Variants in ZNF251 observed in about 807,000 individuals in gnomAD.
ZNF251 encodes the protein zinc finger protein 251.
In ZNF251, 14 loss-of-function variants were observed where a neutral mutation model predicts 13.5. The ratio of observed to expected loss-of-function variants is 1.04; its 90% CI spans 0.69 to 1.63. The LOEUF (loss-of-function observed/expected upper bound fraction) is 1.63, where lower values mean the gene tolerates loss of function less well. ZNF251 is among the 40% of genes most tolerant of loss of function. The pLI, the probability that ZNF251 is intolerant of heterozygous loss-of-function variation, is 0.00. For synonymous variants in ZNF251, 287 were observed against 295.2 expected, an observed-to-expected ratio of 0.97 and a Z score of 0.28; for missense variants, 764 against 834.9, an observed-to-expected ratio of 0.92 and a Z score of 1.05.
chr8:144,739,261 A>C (rs1339997601), intron 4 of ZNF251, among the ~76,000 whole-genome samples: 1 of 139,700 alleles, frequency 7.2e-6, no homozygotes, highest in Non-Finnish European at 1.5e-5. Context: ...ATCACAAATC[A>C]TGACTCCACC....
rs552910244 is a variant in ZNF251, at chr8:144,754,183, G to C, written c.163+9C>G. 1.2e-6 allele frequency: 2 copies of C among 1,610,218 alleles called. No homozygotes were observed. The highest frequency in any genetic ancestry group is 1.3e-5 in the African/African-American group (1 of 74,962). The stretch of plus-strand genomic sequence containing the variant: ...CACTGCGAACCAGGCCAAGTGCAGA[G>C]AGCCTCACCCAGAGAGGCCACGTTC... On this transcript the variant is annotated intron_variant, in intron 3 of 4. Transcript: ENST00000292562.
At chr8:144,725,009 CTTTCT>C (rs576431216) in intron 4 of ZNF251, among the ~76,000 whole-genome samples, 8 of 136,130 alleles carry the variant, frequency 5.9e-5, no homozygotes, top group Non-Finnish European at 3.4e-5. Context: ...TTTTTTCTTT[CTTTCT>C]TGTTTTTTTT....
At position 144,734,362 on chromosome 8, in the gene ZNF251, G is replaced by A. The variant is rs946527636; in HGVS notation, c.278-10980C>T. The stretch of plus-strand genomic sequence containing the variant: ...GTCCCCCAACTCCAGCGGGTGTCAC[G>A]GGTCTAATCCCTGGCACAAACCGGC... On this transcript the variant is annotated intron_variant, in intron 4 of 4. Coordinates refer to ENST00000292562, the MANE Select transcript of ZNF251 (RefSeq NM_138367.2). The surrounding 1 kb of genome is among the most constrained non-coding windows in gnomAD (Gnocchi z 4.4). Among the ~76,000 whole-genome samples the A allele has an allele frequency of 2.0e-5, 3 of 152,200 alleles. No homozygotes were observed. Among genetic ancestry groups the A allele is most frequent in the Non-Finnish European group, 4.4e-5 (3 of 68,036 alleles).
intron 4 of ZNF251, among the ~76,000 whole-genome samples, chr8:144,748,154 A>G (rs1264899919): frequency 6.6e-6 from 1 of 151,828 alleles, no homozygotes; most frequent in Non-Finnish European, 1.5e-5. Context: ...GCTCACTGCA[A>G]CCTCCATCTC....
intron 4 of ZNF251, chr8:144,738,552 T>C: frequency 3.0e-6 from 3 of 985,352 alleles, no homozygotes; most frequent in Non-Finnish European, 3.6e-6. Context: ...CCCCGGCCCC[T>C]TCCTCATGGT....
At chr8:144,735,381 C>CAAAAA (rs145271344) in intron 4 of ZNF251, among the ~76,000 whole-genome samples, 3 of 94,602 alleles carry the variant, frequency 3.2e-5, no homozygotes, top group African/African-American at 1.2e-4. Context: ...GACTCCGTCT[C>CAAAAA]AAAAAAAAAA....
Position 144,753,766 on chromosome 8 carries a change from G to A in ZNF251, c.194C>T (p.Ser65Phe). ...GFPVPKPELI[S>F]QLEQGKELWV... ...AAGTTCCTTCCCCTGCTCCAGCTGGGAGATCAACTCCGGCTTAGGGACAGG... is the reference window on the plus strand; with the variant it reads ...AAGTTCCTTCCCCTGCTCCAGCTGGAAGATCAACTCCGGCTTAGGGACAGG... Residue 65 changes from serine (S) to phenylalanine (F), a missense_variant, in exon 4 of 5, where the codon TCC becomes TTC. Physicochemically the swap from Ser to Phe is radical, Grantham distance 155 (BLOSUM62 -2). Coordinates refer to ENST00000292562, the MANE Select transcript of ZNF251 (RefSeq NM_138367.2). 1 of 1,593,232 alleles carries A rather than the reference G, an allele frequency of 6.3e-7. No homozygotes were observed. Among genetic ancestry groups the A allele is most frequent in the Non-Finnish European group, 8.6e-7 (1 of 1,169,250 alleles).
chr8:144,724,732 C>T (rs1168913786), intron 4 of ZNF251, among the ~76,000 whole-genome samples: 1 of 152,118 alleles, frequency 6.6e-6, no homozygotes, highest in East Asian at 1.9e-4. Context: ...TAATGGAATA[C>T]AATTCTACCA....
Position 144,721,618 on chromosome 8 carries a change from C to CT in ZNF251, c.*25dup, listed in dbSNP as rs1277475338. On this transcript the variant is annotated 3_prime_UTR_variant, in exon 5 of 5. Transcript: ENST00000292562. ...TCTTCTAATGTCAAGTGAACAGTTG[C>CT]TAAACTGTCTTCTGCATTTATCACA... 3.0e-6 allele frequency: 4 copies of CT among 1,323,410 alleles called. No individual in the cohort carries two copies. Among genetic ancestry groups the CT allele is most frequent in the Non-Finnish European group, 3.9e-6 (4 of 1,026,468 alleles). The allele number at this position is 1,323,410 out of a possible 1,614,324, so 82.0% of individuals were successfully genotyped here.
At chr8:144,725,474 G>A (rs1823494334) in intron 4 of ZNF251, among the ~76,000 whole-genome samples, 1 of 150,914 alleles carries the variant, frequency 6.6e-6, no homozygotes, top group Non-Finnish European at 1.5e-5. Context: ...TTATTTTTTT[G>A]TAGAGACAGG....
At position 144,722,842 on chromosome 8, in the gene ZNF251, G is replaced by C. The variant is rs367867958; in HGVS notation, c.818C>G (p.Thr273Ser). Residue 273 changes from threonine (T) to serine (S), a missense_variant, in exon 5 of 5, where the codon ACT becomes AGT. Physicochemically the swap from Thr to Ser is moderately conservative, Grantham distance 58 (BLOSUM62 1). Transcript: ENST00000292562. The surrounding 1 kb of genome is among the most constrained non-coding windows in gnomAD (Gnocchi z 4.8). Reference sequence around the variant, plus strand: ...ACGGAGGTGAGAATTGAGTCCAAAAGTTTTCCCACATTCATCACATTTAAA... The same window carrying C: ...ACGGAGGTGAGAATTGAGTCCAAAACTTTTCCCACATTCATCACATTTAAA... ...KPFKCDECGK[T>S]FGLNSHLRLH... 1.9e-6 allele frequency: 3 copies of C among 1,613,912 alleles called. No homozygotes were observed. In the African/African-American group the frequency reaches 4.0e-5, roughly 22 times the overall value.
At chr8:144,753,247 C>T (rs545785076) in intron 4 of ZNF251, among the ~76,000 whole-genome samples, 4 of 128,774 alleles carry the variant, frequency 3.1e-5, no homozygotes, top group Non-Finnish European at 4.7e-5. Flanking sequence ...TGCACTCCAG[C>T]CTGGTGACAG....
chr8:144,752,134 C>CAAAA (rs1563772285), intron 4 of ZNF251, among the ~76,000 whole-genome samples: 4 of 127,296 alleles, frequency 3.1e-5, no homozygotes, highest in African/African-American at 1.3e-4. Context: ...AATAACTAGA[C>CAAAA]CAAAAAAAAA....
rs948612853 is a variant in ZNF251 at position 144,720,933 on chromosome 8, T to C, written c.*711A>G. ...ATACACTAAAAAGAGTAAATTTTAT[T>C]GTTTATAAATTATGCTTCAATAAAC... On this transcript the variant is annotated 3_prime_UTR_variant, in exon 5 of 5. Transcript: ENST00000292562. 1.4e-4 allele frequency: 21 copies of C among 152,232 alleles called. No individual in the cohort carries two copies. The highest frequency in any genetic ancestry group is 5.1e-4 in the African/African-American group (21 of 41,456). 9.4% of individuals were successfully genotyped at this position (152,232 alleles called of 1,614,324 possible).
At chr8:144,744,599 G>T (rs1184599893) in intron 4 of ZNF251, among the ~76,000 whole-genome samples, 7 of 152,286 alleles carry the variant, frequency 4.6e-5, no homozygotes, top group Admixed American at 4.6e-4. Flanking sequence ...CGTCATGGCA[G>T]AATTAGTGCT....
At chr8:144,749,875 CTTT>C (rs796849869) in intron 4 of ZNF251, among the ~76,000 whole-genome samples, 1 of 129,176 alleles carries the variant, frequency 7.7e-6, no homozygotes, top group African/African-American at 3.1e-5. Flanking sequence ...TTTTTCTTTT[CTTT>C]TTTTTCTTTT....
chr8:144,721,454 C>T lies in ZNF251; in HGVS notation c.*190G>A. On this transcript the variant is annotated 3_prime_UTR_variant, in exon 5 of 5. Coordinates refer to ENST00000292562, the MANE Select transcript of ZNF251 (RefSeq NM_138367.2). ...CCTGAGCACAGCAGTAACCTTTACA[C>T]AGACAGCCTGATTTCCCAGAATGAA... 1.8e-6 allele frequency: 1 copy of T among 557,314 alleles called. No homozygotes were observed. The highest frequency in any genetic ancestry group is 2.7e-6 in the Non-Finnish European group (1 of 370,122). The allele number at this position is 557,314 out of a possible 1,614,324, so 34.5% of individuals were successfully genotyped here.
At chr8:144,725,463 CTTAT>C (rs1016747400) in intron 4 of ZNF251, among the ~76,000 whole-genome samples, 6 of 151,380 alleles carry the variant, frequency 4.0e-5, no homozygotes, top group African/African-American at 1.5e-4. Flanking sequence ...TGGCTAATTC[CTTAT>C]TTTTTTGTAG....
chr8:144,749,575 T>C (rs1272696215), intron 4 of ZNF251, among the ~76,000 whole-genome samples: 1 of 152,244 alleles, frequency 6.6e-6, no homozygotes, highest in Non-Finnish European at 1.5e-5. Flanking sequence ...TTTTTGCCCT[T>C]GTTCTTCATT....
Sources: gnomAD v4.1 joint callset for allele counts (sites outside exome capture counted in the v4.1 genomes callset) on GRCh38, gnomAD v4.1.1 for gene constraint, Gnocchi (gnomAD v3.1) non-coding constraint, MANE v1.5 for transcripts, NCBI Gene and HGNC (gene_info 2026-07-23, HGNC 2026-07-21) for gene names.